Variants in ADCY5 observed in about 807,000 individuals in gnomAD.
ADCY5 encodes adenylate cyclase type 5.
In ADCY5, 30 loss-of-function variants were observed where a neutral mutation model predicts 119.7. That is an observed-to-expected ratio of 0.25 (90% CI 0.19 to 0.34). The LOEUF (loss-of-function observed/expected upper bound fraction) is 0.34, where lower values mean the gene tolerates loss of function less well. Ranked by LOEUF, ADCY5 falls within the 10% of genes least tolerant of loss-of-function variation. The pLI, the probability that ADCY5 is intolerant of heterozygous loss-of-function variation, is 1.00. For synonymous variants in ADCY5, 753 were observed against 762.2 expected (o/e 0.99, Z 0.20); for missense variants, 1,324 against 1,775.2 (o/e 0.75, Z 4.57).
chr3:123,326,165 G>A (rs79861416), intron 7 of ADCY5, among the ~76,000 whole-genome samples: 8,195 of 152,286 alleles, frequency 0.054, 738 homozygotes, highest in African/African-American at 0.19. Context: ...GACACGGCCC[G>A]GGGCCCAAGA....
At chr3:123,328,849 C>A (rs1941620919) in intron 5 of ADCY5, 47 bp from the exon 6 acceptor site, 4 of 1,585,484 alleles carry the variant, frequency 2.5e-6, no homozygotes, top group Non-Finnish European at 3.4e-6. Context: ...GGAGGCCAGG[C>A]ACACAGAATG....
chr3:123,373,763 C>CACT (rs1553739698), intron 1 of ADCY5, among the ~76,000 whole-genome samples: 1 of 33,724 alleles, frequency 3.0e-5, no homozygotes, highest in Admixed American at 2.5e-4. Flanking sequence ...ATCACGCCCC[C>CACT]CCCCCCCCGA....
chr3:123,380,927 A>G (rs1944011148), intron 1 of ADCY5, among the ~76,000 whole-genome samples: 1 of 152,190 alleles, frequency 6.6e-6, no homozygotes, highest in African/African-American at 2.4e-5. Flanking sequence ...TCAGGAGCAC[A>G]TGCTAAGGAG....
intron 1 of ADCY5, among the ~76,000 whole-genome samples, chr3:123,373,935 G>A (rs1376046753): frequency 6.6e-6 from 1 of 152,172 alleles, no homozygotes; most frequent in African/African-American, 2.4e-5. Context: ...ATTCGATGGA[G>A]AAGTTTCTAG....
At chr3:123,440,005 C>T (rs1483960265) in intron 1 of ADCY5, among the ~76,000 whole-genome samples, 1 of 152,200 alleles carries the variant, frequency 6.6e-6, no homozygotes, top group African/African-American at 2.4e-5. Context: ...AGGATTACAA[C>T]CCACCAAAAT....
intron 1 of ADCY5, among the ~76,000 whole-genome samples, chr3:123,393,245 T>C (rs1452407560): frequency 1.3e-5 from 2 of 152,146 alleles, no homozygotes; most frequent in East Asian, 3.8e-4. Flanking sequence ...AATCCCTGTG[T>C]CCTCATCAAT....
At chr3:123,361,578 C>T (rs1943251364) in intron 1 of ADCY5, among the ~76,000 whole-genome samples, 1 of 138,864 alleles carries the variant, frequency 7.2e-6, no homozygotes, top group South Asian at 2.3e-4. Flanking sequence ...TGGAAGTGAA[C>T]AATAGGTGGC....
Position 123,297,390 on chromosome 3 carries a change from G to T in ADCY5, c.2901-8C>A. 1 of 1,613,930 alleles carries T rather than the reference G, an allele frequency of 6.2e-7. No homozygotes were observed. The highest frequency in any genetic ancestry group is 8.5e-7 in the Non-Finnish European group (1 of 1,179,932). ...CCGTTGTTGAAGAAGTCTCTGTGAA[G>T]AGAGTTGGGGAAGACTGGTCAGGGC... On this transcript the variant is annotated splice_region_variant and splice_polypyrimidine_tract_variant and intron_variant, in intron 15 of 20. Coordinates refer to ENST00000462833, the MANE Select transcript of ADCY5 (RefSeq NM_183357.3).
chr3:123,329,810 A>C (rs1434469243), intron 5 of ADCY5, among the ~76,000 whole-genome samples: 1 of 152,128 alleles, frequency 6.6e-6, no homozygotes, highest in Non-Finnish European at 1.5e-5. Flanking sequence ...TCTTGTCCTG[A>C]ATCAACTTGG....
At chr3:123,321,860 G>A (rs1471070526) in intron 8 of ADCY5, among the ~76,000 whole-genome samples, 2 of 152,154 alleles carry the variant, frequency 1.3e-5, no homozygotes, top group African/African-American at 2.4e-5. Context: ...AGGGCTCCAG[G>A]GAGCCTCAGC....
chr3:123,383,351 C>A (rs566393419), intron 1 of ADCY5, among the ~76,000 whole-genome samples: 1 of 152,192 alleles, frequency 6.6e-6, no homozygotes, highest in African/African-American at 2.4e-5. Flanking sequence ...CTCGCCTCCT[C>A]GGGAATGTGA....
At chr3:123,426,365 C>T (rs1945413351) in intron 1 of ADCY5, among the ~76,000 whole-genome samples, 1 of 149,546 alleles carries the variant, frequency 6.7e-6, no homozygotes, top group Admixed American at 6.7e-5. Flanking sequence ...GCCCTGTCAC[C>T]CAGGCTGGAG....
At chr3:123,438,688 C>T (rs1387091296) in intron 1 of ADCY5, among the ~76,000 whole-genome samples, 1 of 152,184 alleles carries the variant, frequency 6.6e-6, no homozygotes, top group Non-Finnish European at 1.5e-5. Context: ...AAAGTGCAAG[C>T]GTAGTGATGC....
At chr3:123,356,969 G>A (rs1943059988) in intron 1 of ADCY5, among the ~76,000 whole-genome samples, 1 of 151,970 alleles carries the variant, frequency 6.6e-6, no homozygotes, top group Admixed American at 6.6e-5. Flanking sequence ...AATATATTAT[G>A]CTAAAATGAA....
intron 15 of ADCY5, 105 bp downstream of exon 15, chr3:123,300,015 C>T: frequency 1.6e-6 from 2 of 1,253,180 alleles, no homozygotes; most frequent in Non-Finnish European, 2.2e-6. Flanking sequence ...ACAAGATACT[C>T]TCCTCGCAAG....
At chr3:123,308,500 G>C (rs1576550834) in intron 12 of ADCY5, among the ~76,000 whole-genome samples, 1 of 152,208 alleles carries the variant, frequency 6.6e-6, no homozygotes, top group African/African-American at 2.4e-5. Flanking sequence ...CTGTATGTCA[G>C]CCCTAAATCT....
intron 1 of ADCY5, among the ~76,000 whole-genome samples, chr3:123,370,612 G>C (rs1042112594): frequency 6.6e-6 from 1 of 152,226 alleles, no homozygotes; most frequent in African/African-American, 2.4e-5. Flanking sequence ...CCATGGAACT[G>C]AATCATCCTA....
intron 1 of ADCY5, among the ~76,000 whole-genome samples, chr3:123,397,815 C>T (rs1338637741): frequency 6.6e-6 from 1 of 152,132 alleles, no homozygotes; most frequent in African/African-American, 2.4e-5. Context: ...GAAAAGGGGG[C>T]TTTTGTAACT....
intron 1 of ADCY5, among the ~76,000 whole-genome samples, chr3:123,383,521 G>A (rs1200963973): frequency 1.3e-5 from 2 of 152,158 alleles, no homozygotes; most frequent in African/African-American, 2.4e-5. Context: ...TCAATGCCAC[G>A]GTGAGGTAGA....
Sources: gnomAD v4.1 joint callset for allele counts (sites outside exome capture counted in the v4.1 genomes callset) on GRCh38, gnomAD v4.1.1 for gene constraint, MANE v1.5 for transcripts, NCBI Gene and HGNC (gene_info 2026-07-23, HGNC 2026-07-21) for gene names.